Variants in UXT observed in about 807,000 individuals in gnomAD.
UXT encodes protein UXT.
For missense variants in UXT, 111 were observed against 132.7 expected (o/e 0.84, Z 0.80); for synonymous variants, 54 against 52.8 (o/e 1.02, Z -0.10).
intron 4 of UXT, chrX:47,654,061 AGG>A: frequency 3.9e-5 from 29 of 750,543 alleles, no homozygotes; most frequent in Non-Finnish European, 4.6e-5. Context: ...ACACTTTAAA[AGG>A]GAGAAAAATA....
In UXT at chrX:47,657,796, T is replaced by C. The variant is rs1252324090; in HGVS notation, c.202A>G (p.Ile68Val). Residue 68 changes from isoleucine (I) to valine (V), a missense_variant, in exon 2 of 6, where the codon ATT (isoleucine) becomes GTT (valine). Coordinates refer to ENST00000335890, the MANE Select transcript of UXT (RefSeq NM_153477.3). ...ATAGTCTTTACCTGGAGTCGCTCAA[T>C]GACATTTCTCAGTTGAAGGTATTTG... 8.4e-7 allele frequency: 1 copy of C among 1,185,452 alleles called. No individual in the cohort carries two copies. Among genetic ancestry groups the C allele is most frequent in the East Asian group, 3.0e-5 (1 of 33,632 alleles).
chrX:47,658,913 A>G lies in UXT; in HGVS notation c.51T>C (p.Pro17=). 1 of 1,193,493 alleles carries G rather than the reference A, an allele frequency of 8.4e-7. No individual in the cohort carries two copies. The highest frequency in any genetic ancestry group is 1.1e-6 in the Non-Finnish European group (1 of 884,424). ...CCGTGGCCTCCACCGCCCGCCGCTT[A>G]GGGGGCGTCGCCATGATGGGCTCCT... Residue 17 remains proline, a synonymous_variant, in exon 1 of 6, where the codon CCT becomes CCC. Coordinates refer to ENST00000335890, the MANE Select transcript of UXT (RefSeq NM_153477.3).
chrX:47,658,370 A>G (rs1488645791), intron 1 of UXT, among the ~76,000 whole-genome samples: 2 of 111,833 alleles, frequency 1.8e-5, no homozygotes, highest in African/African-American at 6.5e-5. Context: ...ATATTTCTTC[A>G]TACTCATTGA....
intron 1 of UXT, among the ~76,000 whole-genome samples, chrX:47,658,187 G>A (rs1226300143): frequency 9.0e-5 from 10 of 110,796 alleles, no homozygotes; most frequent in Non-Finnish European, 1.9e-5. Flanking sequence ...TTATCAAATG[G>A]TAAACTCTCT....
At chrX:47,658,570 A>C (rs1024244753) in intron 1 of UXT, among the ~76,000 whole-genome samples, 1 of 112,100 alleles carries the variant, frequency 8.9e-6, no homozygotes, top group African/African-American at 3.2e-5. Context: ...CAGGATTCGA[A>C]CCCGAGAACT....
At position 47,659,136 on chromosome X, in the gene UXT, A is replaced by C; in HGVS notation, c.-173T>G. ...TTACCTCAGGCCGCCAGCAATAAGA[A>C]CGGTTGGTAGGAACCGCGGCTTCCG... On this transcript the variant is annotated 5_prime_UTR_variant, in exon 1 of 6. Transcript: ENST00000335890. 8.2e-6 allele frequency: 6 copies of C among 731,007 alleles called. No homozygotes were observed. Among genetic ancestry groups the C allele is most frequent in the Non-Finnish European group, 1.2e-5 (6 of 485,537 alleles). The allele number at this position is 731,007 out of a possible 1,213,427, so 60.2% of individuals were successfully genotyped here. A position where few individuals can be genotyped will look rare whatever the true frequency, so the allele number is the denominator to read the frequency against.
chrX:47,656,186 C>G (rs1055479403), intron 4 of UXT, among the ~76,000 whole-genome samples: 2 of 111,694 alleles, frequency 1.8e-5, no homozygotes, highest in Non-Finnish European at 3.8e-5. Flanking sequence ...AAACACAAAG[C>G]CGGGTACAGC....
In UXT at chrX:47,657,271, A is replaced by G. The variant is rs1162315679; in HGVS notation, c.304T>C (p.Tyr102His). ...AAAAAACCATATCCCAGGGCCACATAGATGCGTGAAGTATCTGGGCTGAGG... is the reference window on the plus strand; with the variant it reads ...AAAAAACCATATCCCAGGGCCACATGGATGCGTGAAGTATCTGGGCTGAGG... The change falls in exon 4 of 6, where the codon TAT (tyrosine) becomes CAT (histidine). Residue 102 changes from tyrosine to histidine, a missense_variant. Physicochemically the swap from Tyr to His is moderately conservative, Grantham distance 83. Transcript: ENST00000335890. 2 of 1,202,378 alleles carry G rather than the reference A, an allele frequency of 1.7e-6. No individual in the cohort carries two copies. Among genetic ancestry groups the G allele is most frequent in the Non-Finnish European group, 2.2e-6 (2 of 890,391 alleles).
chrX:47,658,490 G>A (rs187073249), intron 1 of UXT, among the ~76,000 whole-genome samples: 1 of 112,315 alleles, frequency 8.9e-6, no homozygotes, highest in African/African-American at 3.2e-5. Context: ...CCATTTCACA[G>A]AAGAGTAAAG....
chrX:47,653,585 T>C lies in UXT; in HGVS notation c.393-1441A>G, dbSNP rs554403284. The stretch of plus-strand genomic sequence containing the variant: ...CAGTCAGCCATTCTTCTTAAAATCA[T>C]GACTGTTCCATTGCAGGTAATGCTT... On this transcript the variant is annotated intron_variant, in intron 4 of 5. Transcript: ENST00000335890. Among the ~76,000 whole-genome samples the C allele has an allele frequency of 4.8e-4, 54 of 112,376 alleles. 1 individual carries two copies. In the South Asian group the frequency reaches 0.019, roughly 39 times the overall value.
chrX:47,652,927 G>A (rs1330008261), intron 4 of UXT, among the ~76,000 whole-genome samples: 2 of 112,119 alleles, frequency 1.8e-5, no homozygotes, highest in Non-Finnish European at 3.8e-5. Context: ...TCGCCCAAAA[G>A]AATCCTAATT....
At chrX:47,653,832 G>T (rs1477114977) in intron 4 of UXT, among the ~76,000 whole-genome samples, 2 of 111,956 alleles carry the variant, frequency 1.8e-5, no homozygotes, top group Admixed American at 9.5e-5. Flanking sequence ...CCATTAAAAG[G>T]AACCTGAGGT....
At chrX:47,654,145 A>G in intron 4 of UXT, 1 of 681,665 alleles carries the variant, frequency 1.5e-6, no homozygotes, top group East Asian at 1.6e-4. Flanking sequence ...TTTATTTGCT[A>G]TGTGAGAAGC....
At chrX:47,655,215 G>A (rs1328533538) in intron 4 of UXT, among the ~76,000 whole-genome samples, 1 of 112,320 alleles carries the variant, frequency 8.9e-6, no homozygotes, top group Non-Finnish European at 1.9e-5. Context: ...AGGAGGCAGA[G>A]GTTGCAGTGA....
chrX:47,652,469 C>T, intron 4 of UXT, among the ~76,000 whole-genome samples: 1 of 112,389 alleles, frequency 8.9e-6, no homozygotes, highest in East Asian at 2.8e-4. Flanking sequence ...ACTACAATAA[C>T]AAAAATTAAA....
chrX:47,657,236 C>A lies in UXT; in HGVS notation c.339G>T (p.Leu113Phe). Reference sequence around the variant, plus strand: ...TGAACTTGAGAGCTTCTGCCAGTGTCAACTCCAGGAAAAAACCATATCCCA... The same window carrying A: ...TGAACTTGAGAGCTTCTGCCAGTGTAAACTCCAGGAAAAAACCATATCCCA... Residue 113 changes from leucine to phenylalanine, a missense_variant, in exon 4 of 6, where the codon TTG becomes TTT. Transcript: ENST00000335890. 8.3e-7 allele frequency: 1 copy of A among 1,208,156 alleles called. No homozygotes were observed. Among genetic ancestry groups the A allele is most frequent in the Non-Finnish European group, 1.1e-6 (1 of 893,759 alleles).
chrX:47,657,453 C>T, intron 3 of UXT, 119 bp downstream of exon 4: 1 of 826,261 alleles, frequency 1.2e-6, no homozygotes, highest in Non-Finnish European at 1.7e-6. Context: ...TTATATCCTA[C>T]TGGGATATAA....
chrX:47,657,015 G>T, intron 4 of UXT, 168 bp downstream of exon 5: 1 of 438,885 alleles, frequency 2.3e-6, no homozygotes, highest in Non-Finnish European at 4.0e-6. Flanking sequence ...TTTTTTGAGT[G>T]CTTATTATGT....
intron 4 of UXT, among the ~76,000 whole-genome samples, chrX:47,656,879 C>A (rs917496668): frequency 1.8e-5 from 2 of 112,299 alleles, no homozygotes; most frequent in Non-Finnish European, 3.8e-5. Flanking sequence ...TATAGTCCTT[C>A]TAGATTGTAA....
Sources: allele counts gnomAD v4.1 joint callset (sites outside exome capture counted in the v4.1 genomes callset), GRCh38; gene constraint gnomAD v4.1.1; transcripts MANE v1.5; gene names NCBI Gene and HGNC (gene_info 2026-07-23, HGNC 2026-07-21).